LUZP2: variants seen among roughly 807,000 people sequenced by gnomAD.
LUZP2 encodes leucine zipper protein 2.
LUZP2 carries 52 observed loss-of-function variants against 51.6 expected under a neutral mutation model. The ratio of observed to expected loss-of-function variants is 1.01; its 90% confidence interval spans 0.81 to 1.27. The LOEUF (loss-of-function observed/expected upper bound fraction) is 1.27, where lower values mean the gene tolerates loss of function less well. LUZP2 is among the 50% of genes most tolerant of loss of function. The probability of loss-of-function intolerance (pLI) is 0.00; values close to 1 mark genes in which losing one functional copy is unlikely to be tolerated. For missense variants in LUZP2, 436 were observed against 395.4 expected, an observed-to-expected ratio of 1.10 and a Z score of -0.87; for synonymous variants, 154 against 137.3, an observed-to-expected ratio of 1.12 and a Z score of -0.85.
rs4923212 is a variant in LUZP2, at chr11:24,803,122, T to A, written c.396+39814T>A. On this transcript the variant is annotated intron_variant, in intron 5 of 11. Coordinates refer to ENST00000336930, the MANE Select transcript of LUZP2 (RefSeq NM_001009909.4). ...TGGGGGAAAATATTTGCAAATTATGTTTGACAAGGGATTAATACCTAGAAT... is the reference window on the plus strand; with the variant it reads ...TGGGGGAAAATATTTGCAAATTATGATTGACAAGGGATTAATACCTAGAAT... 5.4e-3 allele frequency among the ~76,000 whole-genome samples: 823 copies of A among 152,032 alleles called. 7 individuals carry two copies. The highest frequency in any genetic ancestry group is 8.2e-3 in the Non-Finnish European group (554 of 67,878).
At chr11:24,914,185 G>A (rs1034368646) in intron 6 of LUZP2, among the ~76,000 whole-genome samples, 2 of 152,188 alleles carry the variant, frequency 1.3e-5, no homozygotes, top group Non-Finnish European at 2.9e-5. Context: ...TGTTGGCCAT[G>A]CCTGGGTGAC....
chr11:24,778,886 A>G (rs558295184), intron 5 of LUZP2, among the ~76,000 whole-genome samples: 9 of 152,320 alleles, frequency 5.9e-5, no homozygotes, highest in Admixed American at 3.3e-4. Context: ...TAGAGACAAT[A>G]GCACACCAAC....
chr11:24,884,134 T>C lies in LUZP2; in HGVS notation c.397-21857T>C, dbSNP rs148267313. The stretch of plus-strand genomic sequence containing the variant: ...TTTATAGCAAATTTATTCTGCACAG[T>C]TGGAACTCTAAGGAAAAAGCTATTT... On this transcript the variant is annotated intron_variant, in intron 5 of 11. Coordinates refer to ENST00000336930, the MANE Select transcript of LUZP2 (RefSeq NM_001009909.4). Among the ~76,000 whole-genome samples the C allele has an allele frequency of 1.0e-3, 157 of 152,124 alleles. 2 individuals are homozygous for C. In the South Asian group the frequency reaches 0.012, roughly 11 times the overall value.
chr11:24,861,350 G>A (rs1446090216), intron 5 of LUZP2, among the ~76,000 whole-genome samples: 1 of 152,090 alleles, frequency 6.6e-6, no homozygotes, highest in Admixed American at 6.6e-5. Context: ...AAAAATATGG[G>A]GAGAATGTAA....
At chr11:24,607,542 A>G (rs975435225) in intron 1 of LUZP2, among the ~76,000 whole-genome samples, 3 of 151,798 alleles carry the variant, frequency 2.0e-5, no homozygotes, top group African/African-American at 4.8e-5. Context: ...TTTGATTTCT[A>G]TCACATTTAA....
chr11:24,562,596 G>A (rs1275941274), intron 1 of LUZP2, among the ~76,000 whole-genome samples: 1 of 151,580 alleles, frequency 6.6e-6, no homozygotes, highest in East Asian at 1.9e-4. Flanking sequence ...GCTCATGTCT[G>A]TAATCCCAGC....
intron 10 of LUZP2, among the ~76,000 whole-genome samples, chr11:25,076,045 C>G (rs1294118331): frequency 6.6e-6 from 1 of 151,904 alleles, no homozygotes; most frequent in Non-Finnish European, 1.5e-5. Flanking sequence ...CAGGATCTCA[C>G]TCTGTAGCCT....
At chr11:25,050,709 C>CACAG (rs1403902586) in intron 10 of LUZP2, among the ~76,000 whole-genome samples, 1 of 151,944 alleles carries the variant, frequency 6.6e-6, no homozygotes, top group Middle Eastern at 3.4e-3. Context: ...AGTGGAGGAC[C>CACAG]ACAGGCTAAG....
chr11:24,929,407 G>T (rs1854378380), intron 7 of LUZP2, among the ~76,000 whole-genome samples: 1 of 151,912 alleles, frequency 6.6e-6, no homozygotes, highest in Non-Finnish European at 1.5e-5. Context: ...AGAGGTTTTT[G>T]TTGGTTATAT....
At chr11:24,950,875 A>G (rs2133863172) in intron 7 of LUZP2, among the ~76,000 whole-genome samples, 1 of 151,772 alleles carries the variant, frequency 6.6e-6, no homozygotes, top group African/African-American at 2.4e-5. Context: ...ATGATGATAC[A>G]TCTGTCACAT....
chr11:24,615,064 A>G (rs1854242068), intron 1 of LUZP2, among the ~76,000 whole-genome samples: 1 of 151,966 alleles, frequency 6.6e-6, no homozygotes, highest in Admixed American at 6.6e-5. Context: ...TAATTTTAAA[A>G]CATATTTTAT....
chr11:24,765,622 C>CTTTTTTTTTTT (rs1206343621), intron 5 of LUZP2, among the ~76,000 whole-genome samples: 1 of 127,756 alleles, frequency 7.8e-6, no homozygotes. Context: ...CCTTTTTTTT[C>CTTTTTTTTTTT]TTTTTTCTTT....
chr11:24,949,005 C>T (rs537464015), intron 7 of LUZP2, among the ~76,000 whole-genome samples: 6 of 151,512 alleles, frequency 4.0e-5, no homozygotes, highest in East Asian at 1.9e-4. Flanking sequence ...ACTATGTACC[C>T]GCAAAAATGA....
chr11:24,805,007 CTTT>C (rs71044307), intron 5 of LUZP2, among the ~76,000 whole-genome samples: 1 of 141,582 alleles, frequency 7.1e-6, no homozygotes, highest in Admixed American at 7.1e-5. Flanking sequence ...ACCCGGCTAA[CTTT>C]TTTTTTTTTT....
At chr11:24,555,852 G>C (rs1332952810) in intron 1 of LUZP2, among the ~76,000 whole-genome samples, 1 of 152,192 alleles carries the variant, frequency 6.6e-6, no homozygotes, top group Non-Finnish European at 1.5e-5. Flanking sequence ...AATGGTGTGC[G>C]CCTGTAGTCC....
chr11:24,944,314 A>T (rs1854841984), intron 7 of LUZP2, among the ~76,000 whole-genome samples: 1 of 152,210 alleles, frequency 6.6e-6, no homozygotes, highest in East Asian at 1.9e-4. Context: ...CAGATGAGGT[A>T]ACCATGGCTC....
At chr11:24,590,269 A>T (rs116588888) in intron 1 of LUZP2, among the ~76,000 whole-genome samples, 3,304 of 152,250 alleles carry the variant, frequency 0.022, 112 homozygotes, top group African/African-American at 0.076. Context: ...TAGGGTTTTT[A>T]AATTATTTAC....
At chr11:25,027,823 T>A (rs769376110) in intron 9 of LUZP2, among the ~76,000 whole-genome samples, 53 of 148,714 alleles carry the variant, frequency 3.6e-4, no homozygotes, top group Admixed American at 1.1e-3. Flanking sequence ...TGAGCTGAGA[T>A]CACGCCACTG....
chr11:24,836,774 A>G (rs915692271), intron 5 of LUZP2, among the ~76,000 whole-genome samples: 2 of 151,858 alleles, frequency 1.3e-5, no homozygotes, highest in African/African-American at 4.8e-5. Context: ...CAAAAGCAAA[A>G]TATAGTTCTA....
Sources: allele counts gnomAD v4.1 joint callset (sites outside exome capture counted in the v4.1 genomes callset), GRCh38; gene constraint gnomAD v4.1.1; transcripts MANE v1.5; gene names NCBI Gene and HGNC (gene_info 2026-07-23, HGNC 2026-07-21).